ATL2: variants seen among roughly 807,000 people sequenced by gnomAD.
ATL2 encodes the protein atlastin-2.
A neutral mutation model predicts 73.9 loss-of-function variants in ATL2; 31 were observed. The ratio of observed to expected loss-of-function variants is 0.42; its 90% CI spans 0.32 to 0.57. The LOEUF is 0.57. Ranked by LOEUF, ATL2 falls within the 20% of genes least tolerant of loss-of-function variation. The pLI is 0.14. For synonymous variants in ATL2, 291 were observed against 237.5 expected, an observed-to-expected ratio of 1.23 and a Z score of -2.07; for missense variants, 738 against 702.6, an observed-to-expected ratio of 1.05 and a Z score of -0.57.
intron 1 of ATL2, chr2:38,375,986 G>A (rs1302944231): frequency 6.9e-6 from 8 of 1,155,122 alleles, no homozygotes; most frequent in Non-Finnish European, 9.0e-6. Context: ...GTGAGTCCTT[G>A]TGGTTAACAT....
chr2:38,336,852 G>A (rs1324649056), intron 2 of ATL2, among the ~76,000 whole-genome samples: 4 of 152,116 alleles, frequency 2.6e-5, no homozygotes, highest in African/African-American at 9.7e-5. Context: ...TTCAAAAACC[G>A]TTACATCACA....
intron 2 of ATL2, among the ~76,000 whole-genome samples, chr2:38,335,959 G>A (rs1038240560): frequency 1.4e-4 from 22 of 152,072 alleles, no homozygotes; most frequent in African/African-American, 4.8e-4. Context: ...CGTGGGAGGC[G>A]GAGCTTGCAG....
intron 2 of ATL2, among the ~76,000 whole-genome samples, chr2:38,337,255 T>A (rs184569704): frequency 2.6e-4 from 39 of 151,026 alleles, no homozygotes; most frequent in African/African-American, 9.0e-4. Flanking sequence ...GAGGCTGAGG[T>A]GGGAGGATCA....
rs116580057 is a variant in ATL2 at position 38,320,239 on chromosome 2, A to G, written c.364-1220T>C. 3.0e-3 allele frequency among the ~76,000 whole-genome samples: 464 copies of G among 152,292 alleles called. 5 individuals carry two copies. The highest frequency in any genetic ancestry group is 0.01 in the African/African-American group (429 of 41,558). ...AATATGAACCCAAACTGGTTATCTC[A>G]TTAGATGGTGTTAAATTAGGGTAAG... On this transcript the variant is annotated intron_variant, in intron 2 of 12. Transcript: ENST00000378954.
chr2:38,343,559 C>T (rs372383059), intron 1 of ATL2, 47 bp from the exon 2 acceptor site: 55 of 1,561,466 alleles, frequency 3.5e-5, no homozygotes, highest in South Asian at 7.1e-5. Context: ...CCCTATATTA[C>T]GAACTTTCAT....
intron 2 of ATL2, among the ~76,000 whole-genome samples, chr2:38,334,994 C>T (rs1043262895): frequency 1.3e-5 from 1 of 79,242 alleles, no homozygotes; most frequent in African/African-American, 3.6e-5. Flanking sequence ...TTAAATCTGG[C>T]AAATAGTTTA....
chr2:38,329,156 GTA>G (rs1668835698), intron 2 of ATL2, among the ~76,000 whole-genome samples: 1 of 148,772 alleles, frequency 6.7e-6, no homozygotes, highest in Admixed American at 6.7e-5. Context: ...GCCAGGCGTG[GTA>G]GCTCATGCCT....
intron 2 of ATL2, among the ~76,000 whole-genome samples, chr2:38,323,644 T>A (rs1212115215): frequency 6.6e-6 from 1 of 152,126 alleles, no homozygotes; most frequent in Non-Finnish European, 1.5e-5. Context: ...AAAGGAAAGG[T>A]ATACTCCCTA....
At chr2:38,340,025 C>T (rs747075972) in intron 2 of ATL2, among the ~76,000 whole-genome samples, 94 of 152,068 alleles carry the variant, frequency 6.2e-4, no homozygotes, top group African/African-American at 1.5e-3. Flanking sequence ...ACAAAAATAA[C>T]GCAAAAACAT....
intron 2 of ATL2, among the ~76,000 whole-genome samples, chr2:38,330,982 T>C (rs1668953645): frequency 6.6e-6 from 1 of 152,136 alleles, no homozygotes; most frequent in South Asian, 2.1e-4. Flanking sequence ...AAAGCAACAG[T>C]AGTGAAGACA....
chr2:38,371,783 A>T (rs1276376836), intron 1 of ATL2, among the ~76,000 whole-genome samples: 1 of 152,068 alleles, frequency 6.6e-6, no homozygotes, highest in Non-Finnish European at 1.5e-5. Flanking sequence ...CTGTAGTCCC[A>T]GATACTCAGG....
intron 12 of ATL2, 35 bp from the exon 13 acceptor site, chr2:38,296,148 CATG>C (rs1275092997): frequency 6.7e-5 from 102 of 1,515,810 alleles, no homozygotes; most frequent in Non-Finnish European, 8.9e-5. Context: ...CAAACAAAAA[CATG>C]AGGTAAAAAA....
intron 1 of ATL2, among the ~76,000 whole-genome samples, chr2:38,349,108 A>G (rs1191337562): frequency 3.3e-5 from 5 of 151,784 alleles, no homozygotes; most frequent in Non-Finnish European, 4.4e-5. Context: ...TGTGGAAGTC[A>G]GTGTGGCGAT....
intron 1 of ATL2, 23 bp downstream of exon 1, chr2:38,377,120 G>A (rs762021814): frequency 8.1e-6 from 13 of 1,603,260 alleles, no homozygotes; most frequent in South Asian, 1.1e-5. Context: ...GGGCCCCGCG[G>A]CCTCTGCCTC....
intron 7 of ATL2, 89 bp downstream of exon 7, chr2:38,313,062 A>G (rs1667844723): frequency 1.2e-6 from 1 of 833,140 alleles, no homozygotes. Flanking sequence ...CGACACGTAA[A>G]TACTGGTAAT....
chr2:38,323,705 G>C (rs1262457572), intron 2 of ATL2, among the ~76,000 whole-genome samples: 1 of 152,130 alleles, frequency 6.6e-6, no homozygotes, highest in Non-Finnish European at 1.5e-5. Flanking sequence ...GTTAGACAGA[G>C]AGAAAGAAAA....
At chr2:38,330,406 G>C (rs114348473) in intron 2 of ATL2, among the ~76,000 whole-genome samples, 193 of 152,176 alleles carry the variant, frequency 1.3e-3, no homozygotes, top group Non-Finnish European at 2.0e-3. Context: ...TTCTAGCTGG[G>C]ACCATCAGCC....
chr2:38,376,203 T>A, intron 1 of ATL2: 1 of 1,516,050 alleles, frequency 6.6e-7, no homozygotes, highest in Non-Finnish European at 8.9e-7. Context: ...CAGGATTTCA[T>A]GCGATCAATT....
At chr2:38,376,627 G>A (rs1328591601) in intron 1 of ATL2, 1 of 153,362 alleles carries the variant, frequency 6.5e-6, no homozygotes, top group Non-Finnish European at 1.5e-5. Flanking sequence ...CCGGCAGCAA[G>A]GTGTCTGCTC....
Sources: allele counts gnomAD v4.1 joint callset (sites outside exome capture counted in the v4.1 genomes callset), GRCh38; gene constraint gnomAD v4.1.1; transcripts MANE v1.5; gene names NCBI Gene and HGNC (gene_info 2026-07-23, HGNC 2026-07-21).